MAGI2: variants seen among roughly 807,000 people sequenced by gnomAD.
MAGI2 encodes membrane-associated guanylate kinase, WW and PDZ domain-containing protein 2.
MAGI2 carries 35 observed loss-of-function variants against 133.3 expected under a neutral mutation model. That is an observed-to-expected ratio of 0.26 (90% CI 0.20 to 0.35). The LOEUF is 0.35. Ranked by LOEUF, MAGI2 falls within the 10% of genes least tolerant of loss-of-function variation. The pLI, the probability that MAGI2 is intolerant of heterozygous loss-of-function variation, is 1.00. For missense variants in MAGI2, 1,636 were observed against 1,863.4 expected (o/e 0.88, Z 2.25); for synonymous variants, 729 against 710.6 (o/e 1.03, Z -0.41).
At chr7:78,784,016 G>A (rs1271502083) in intron 2 of MAGI2, among the ~76,000 whole-genome samples, 2 of 152,086 alleles carry the variant, frequency 1.3e-5, no homozygotes, top group Non-Finnish European at 2.9e-5. Flanking sequence ...AAGTTGACAT[G>A]TTTTTGGAAT....
intron 4 of MAGI2, among the ~76,000 whole-genome samples, chr7:78,503,445 T>C (rs1242717947): frequency 6.6e-6 from 1 of 151,982 alleles, no homozygotes; most frequent in Admixed American, 6.5e-5. Context: ...TGGAGGTAAC[T>C]GGATCATGGG....
At position 78,354,978 on chromosome 7, in the gene MAGI2, AG is replaced by A. The variant is rs1427541033; in HGVS notation, c.1104-8936del. ...TAGGAATAGAGGATAAAGGTTCAGC[AG>A]CCCCAAGAACAGAGAAAGGTGGCAA... On this transcript the variant is annotated intron_variant, in intron 7 of 21. Transcript: ENST00000354212. 2.6e-5 allele frequency among the ~76,000 whole-genome samples: 4 copies of A among 152,334 alleles called. No individual in the cohort carries two copies. The East Asian group carries it at 7.7e-4, about 29-fold the overall frequency.
intron 2 of MAGI2, among the ~76,000 whole-genome samples, chr7:78,962,111 C>G (rs1032762190): frequency 1.3e-5 from 2 of 151,424 alleles, no homozygotes; most frequent in Non-Finnish European, 2.9e-5. Context: ...TTATGTGGTA[C>G]AAGACTGTAC....
At chr7:79,375,797 T>G (rs1288982229) in intron 1 of MAGI2, among the ~76,000 whole-genome samples, 1 of 151,928 alleles carries the variant, frequency 6.6e-6, no homozygotes, top group Non-Finnish European at 1.5e-5. Context: ...AGGTTTGAGT[T>G]ATCAAATTAT....
At chr7:78,057,977 G>GTATGTATATATATATATA (rs1812776156) in intron 21 of MAGI2, among the ~76,000 whole-genome samples, 1 of 106,612 alleles carries the variant, frequency 9.4e-6, no homozygotes, top group African/African-American at 3.4e-5. Flanking sequence ...ATATATATGT[G>GTATGTATATATATATATA]TATATATATA....
rs1353150767 is a variant in MAGI2 at position 78,127,308 on chromosome 7, C to A, written c.3312G>T (p.Gly1104=). The part of the protein sequence containing the change: ...PPLDYRQPPG[G]DYQQPPPLDY... ...CCAAGGGTGGGGGCTGCTGGTAGTC[C>A]CCTCCTGGGGGTTGCCTGTAATCCA... Residue 1104 remains glycine (G), a synonymous_variant, in exon 19 of 22, where the codon GGG becomes GGT. Transcript: ENST00000354212. The A allele has an allele frequency of 2.5e-6, 4 of 1,611,408 alleles. No homozygotes were observed. The South Asian group carries it at 3.3e-5, about 13-fold the overall frequency.
At position 78,489,792 on chromosome 7, in the gene MAGI2, C is replaced by G; in HGVS notation, c.1014G>C (p.Lys338Asn). The G allele has an allele frequency of 6.2e-7, 1 of 1,612,172 alleles. No individual in the cohort carries two copies. Among genetic ancestry groups the G allele is most frequent in the Non-Finnish European group, 8.5e-7 (1 of 1,178,988 alleles). The change falls in exon 6 of 22, where the codon AAG becomes AAC. Residue 338 changes from lysine to asparagine, a missense_variant. Coordinates refer to ENST00000354212, the MANE Select transcript of MAGI2 (RefSeq NM_012301.4). The part of the protein sequence containing the change: ...TSWLDPRLAK[K>N]AKPPEECKEN... The stretch of plus-strand genomic sequence containing the variant: ...CTTTGCACTCTTCTGGAGGTTTAGC[C>G]TTTTTCGCAAGTCGTGGATCCAGCC...
At chr7:78,989,022 C>T (rs566784826) in intron 2 of MAGI2, among the ~76,000 whole-genome samples, 3 of 152,076 alleles carry the variant, frequency 2.0e-5, no homozygotes, top group Middle Eastern at 3.4e-3. Flanking sequence ...AGAGGTGCTT[C>T]GTGTATTTTT....
At chr7:78,489,464 A>T (rs893145665) in intron 6 of MAGI2, among the ~76,000 whole-genome samples, 28 of 152,208 alleles carry the variant, frequency 1.8e-4, no homozygotes, top group Admixed American at 1.7e-3. Flanking sequence ...CCTCAGAGCG[A>T]CGTATTGCAA....
chr7:78,985,700 T>C (rs1284155622), intron 2 of MAGI2, among the ~76,000 whole-genome samples: 1 of 152,104 alleles, frequency 6.6e-6, no homozygotes, highest in Non-Finnish European at 1.5e-5. Context: ...AAGCGCCATC[T>C]ACCGTACACT....
intron 1 of MAGI2, among the ~76,000 whole-genome samples, chr7:79,333,778 G>A (rs1840246367): frequency 1.3e-5 from 2 of 152,060 alleles, no homozygotes; most frequent in Admixed American, 6.6e-5. Flanking sequence ...AGACAATGGA[G>A]TTAAAATACA....
intron 21 of MAGI2, among the ~76,000 whole-genome samples, chr7:78,055,168 A>G (rs1428212482): frequency 6.6e-6 from 1 of 152,200 alleles, no homozygotes; most frequent in Non-Finnish European, 1.5e-5. Flanking sequence ...GCTTGCAAAT[A>G]ATAGATCTAG....
At chr7:79,252,178 A>AAT (rs201043313) in intron 1 of MAGI2, among the ~76,000 whole-genome samples, 5 of 26,876 alleles carry the variant, frequency 1.9e-4, no homozygotes, top group African/African-American at 4.7e-4. Flanking sequence ...AAAAAAAAAA[A>AAT]GAAGAAGAAG....
intron 2 of MAGI2, among the ~76,000 whole-genome samples, chr7:78,794,457 A>C (rs543311255): frequency 1.3e-4 from 20 of 152,182 alleles, no homozygotes; most frequent in Non-Finnish European, 2.4e-4. Flanking sequence ...AGATAACATA[A>C]ATTTTGGAAG....
rs1357066558 is a variant in MAGI2 at position 78,019,228 on chromosome 7, CAG to C, written c.*85_*86del. 1 of 1,449,608 alleles carries C rather than the reference CAG, an allele frequency of 6.9e-7. No homozygotes were observed. Among genetic ancestry groups the C allele is most frequent in the African/African-American group, 1.4e-5 (1 of 70,566 alleles). 89.8% of individuals were successfully genotyped at this position (1,449,608 alleles called of 1,614,324 possible). A position where few individuals can be genotyped will look rare whatever the true frequency, so the allele number is the denominator to read the frequency against. On this transcript the variant is annotated 3_prime_UTR_variant, in exon 22 of 22. Transcript: ENST00000354212. Reference sequence around the variant, plus strand: ...GTGCCTCGTGGATCTATGCGTGTGACAGTGAAAATAAATTAAAACGCCGTGAG... The same window carrying C: ...GTGCCTCGTGGATCTATGCGTGTGACTGAAAATAAATTAAAACGCCGTGAG...
chr7:78,741,694 A>C (rs1278508391), intron 2 of MAGI2, among the ~76,000 whole-genome samples: 1 of 152,106 alleles, frequency 6.6e-6, no homozygotes, highest in Non-Finnish European at 1.5e-5. Flanking sequence ...CAAGTTACTT[A>C]ACTTCTGTCT....
intron 21 of MAGI2, among the ~76,000 whole-genome samples, chr7:78,063,076 T>G (rs1813446366): frequency 1.3e-5 from 2 of 152,220 alleles, no homozygotes; most frequent in Non-Finnish European, 2.9e-5. Flanking sequence ...ACTTCTGCAA[T>G]AACATTTTAA....
At chr7:79,136,577 C>T (rs1032156719) in intron 1 of MAGI2, among the ~76,000 whole-genome samples, 2 of 152,140 alleles carry the variant, frequency 1.3e-5, no homozygotes, top group African/African-American at 4.8e-5. Context: ...TAAATAAATC[C>T]TGACACCTAT....
chr7:78,853,513 G>A (rs1477782728), intron 2 of MAGI2, among the ~76,000 whole-genome samples: 1 of 151,154 alleles, frequency 6.6e-6, no homozygotes. Context: ...ATGCCACAAA[G>A]CCTGGCTAAT....
Sources: allele counts gnomAD v4.1 joint callset (sites outside exome capture counted in the v4.1 genomes callset), GRCh38; gene constraint gnomAD v4.1.1; transcripts MANE v1.5; gene names NCBI Gene and HGNC (gene_info 2026-07-23, HGNC 2026-07-21).